The following CPLX4 variants were observed in gnomAD, a reference collection of about 807,000 sequenced individuals.
CPLX4 encodes complexin 4, also known as complexin-4.
Under a neutral mutation model 16.1 loss-of-function variants are expected in CPLX4, and 17 were observed. The ratio of observed to expected loss-of-function variants is 1.06; its 90% CI spans 0.72 to 1.59. The LOEUF (loss-of-function observed/expected upper bound fraction) is 1.59, where lower values mean the gene tolerates loss of function less well. CPLX4 is among the 40% of genes most tolerant of loss of function. The pLI is 0.00. For synonymous variants in CPLX4, 55 were observed against 57.8 expected, an observed-to-expected ratio of 0.95 and a Z score of 0.22; for missense variants, 193 against 192.9, an observed-to-expected ratio of 1.00 and a Z score of 0.00.
intron 2 of CPLX4, among the ~76,000 whole-genome samples, chr18:59,306,356 G>A (rs145267710): frequency 3.9e-5 from 6 of 152,220 alleles, no homozygotes; most frequent in African/African-American, 1.2e-4. Flanking sequence ...ATGTGTACAC[G>A]AACATTATAA....
intron 1 of CPLX4, among the ~76,000 whole-genome samples, chr18:59,313,615 G>T (rs4108696): frequency 0.22 from 33,951 of 152,164 alleles, 4,618 homozygotes; most frequent in South Asian, 0.35. Flanking sequence ...GGCTATATTG[G>T]GTTAGACCAA....
At chr18:59,307,917 A>G (rs919405084) in intron 2 of CPLX4, among the ~76,000 whole-genome samples, 3 of 147,298 alleles carry the variant, frequency 2.0e-5, no homozygotes, top group African/African-American at 7.7e-5. Flanking sequence ...ATGGCCGGCT[A>G]ATTTTTTTTG....
chr18:59,306,108 G>C (rs568542893), intron 2 of CPLX4, among the ~76,000 whole-genome samples: 2 of 152,294 alleles, frequency 1.3e-5, no homozygotes, highest in East Asian at 3.9e-4. Flanking sequence ...TTTAAGGGAA[G>C]ACACCTAAAA....
At chr18:59,310,264 A>T (rs1298543218) in intron 2 of CPLX4, among the ~76,000 whole-genome samples, 1 of 152,172 alleles carries the variant, frequency 6.6e-6, no homozygotes, top group Admixed American at 6.5e-5. Context: ...TAGCCTATGC[A>T]GGTATAGCCA....
rs532303134 is a variant in CPLX4 at position 59,318,270 on chromosome 18, A to G, written c.167+26T>C. 3.3e-6 allele frequency: 5 copies of G among 1,538,336 alleles called. No homozygotes were observed. In the African/African-American group the frequency reaches 5.5e-5, roughly 17 times the overall value. ...CAGAATGAATTTCCTTTGCTTTTTA[A>G]GGGAAATGAAATAGCATGTACTCAC... On this transcript the variant is annotated intron_variant, in intron 1 of 2. Coordinates refer to ENST00000299721, the MANE Select transcript of CPLX4 (RefSeq NM_181654.4).
At chr18:59,312,438 G>GTATATATATATATATATATCTCCTGAATA (rs140555708) in intron 2 of CPLX4, among the ~76,000 whole-genome samples, 1 of 143,552 alleles carries the variant, frequency 7.0e-6, no homozygotes, top group Admixed American at 7.1e-5. Flanking sequence ...ATGTGTGTGT[G>GTATATATATATATATATATCTCCTGAATA]TATATATATA....
At position 59,296,607 on chromosome 18, in the gene CPLX4, C is replaced by G; in HGVS notation, c.*91G>C. On this transcript the variant is annotated 3_prime_UTR_variant, in exon 3 of 3. Transcript: ENST00000299721. ...ATCGTGGTTTTCCTAACTGTGTTCA[C>G]TACATTAAAACATGTACTGCTTGAA... The G allele has an allele frequency of 1.4e-6, 2 of 1,403,602 alleles. No individual in the cohort carries two copies. The highest frequency in any genetic ancestry group is 2.0e-6 in the Non-Finnish European group (2 of 1,022,494). The allele number at this position is 1,403,602 out of a possible 1,614,324, so 86.9% of individuals were successfully genotyped here. A position where few individuals can be genotyped will look rare whatever the true frequency, so the allele number is the denominator to read the frequency against.
chr18:59,318,469 T>C lies in CPLX4; in HGVS notation c.-7A>G, dbSNP rs2070666112. 6.3e-7 allele frequency: 1 copy of C among 1,587,046 alleles called. No homozygotes were observed. Among genetic ancestry groups the C allele is most frequent in the African/African-American group, 1.4e-5 (1 of 73,048 alleles). The stretch of plus-strand genomic sequence containing the variant: ...TTTTCATAAGGAAAGCCATTTTCTC[T>C]GCCCCAGAAAAATAAAACCAAAATT... On this transcript the variant is annotated 5_prime_UTR_variant, in exon 1 of 3. Transcript: ENST00000299721.
At position 59,298,789 on chromosome 18, in the gene CPLX4, T is replaced by C. The variant is rs559182609; in HGVS notation, c.256-1864A>G. 1.6e-4 allele frequency among the ~76,000 whole-genome samples: 25 copies of C among 152,296 alleles called. No individual in the cohort carries two copies. The South Asian group carries it at 2.9e-3, about 18-fold the overall frequency. On this transcript the variant is annotated intron_variant, in intron 2 of 2. Coordinates refer to ENST00000299721, the MANE Select transcript of CPLX4 (RefSeq NM_181654.4). ...GGAAGGACGAGATGGCTGAAGTCTT[T>C]TCCAGTTCTAACACTCTGTGGCTCC...
intron 1 of CPLX4, among the ~76,000 whole-genome samples, chr18:59,314,044 G>A (rs2070636117): frequency 6.6e-6 from 1 of 152,102 alleles, no homozygotes; most frequent in Non-Finnish European, 1.5e-5. Context: ...GTTAAGGAAG[G>A]AGCTGCAGCA....
chr18:59,313,016 T>C (rs1287727387), intron 1 of CPLX4, among the ~76,000 whole-genome samples: 1 of 152,168 alleles, frequency 6.6e-6, no homozygotes, highest in Non-Finnish European at 1.5e-5. Context: ...AATCTCTGTG[T>C]GATGCGAACC....
At chr18:59,309,842 AG>A (rs376958626) in intron 2 of CPLX4, among the ~76,000 whole-genome samples, 1,520 of 74,398 alleles carry the variant, frequency 0.02, 49 homozygotes, top group African/African-American at 0.063. Flanking sequence ...AAAAAAAAAA[AG>A]AAAAAGAAAA....
intron 2 of CPLX4, among the ~76,000 whole-genome samples, chr18:59,301,236 G>A (rs1431395658): frequency 6.6e-6 from 1 of 152,260 alleles, no homozygotes; most frequent in African/African-American, 2.4e-5. Flanking sequence ...GTCTACAAGA[G>A]GGGTGTGGGC....
At chr18:59,298,551 C>T (rs188620618) in intron 2 of CPLX4, among the ~76,000 whole-genome samples, 1 of 150,646 alleles carries the variant, frequency 6.6e-6, no homozygotes, top group Non-Finnish European at 1.5e-5. Context: ...TAAAAAATGA[C>T]GATCTTAGTC....
chr18:59,312,445 TATATATATATCTCCTGA>T (rs1280527712), intron 2 of CPLX4, among the ~76,000 whole-genome samples: 3 of 148,370 alleles, frequency 2.0e-5, no homozygotes, highest in Non-Finnish European at 4.5e-5. Context: ...TGTGTATATA[TATATATATATCTCCTGA>T]ATATATATAT....
intron 2 of CPLX4, among the ~76,000 whole-genome samples, chr18:59,306,146 TC>T (rs1425321191): frequency 1.3e-5 from 2 of 152,184 alleles, no homozygotes; most frequent in African/African-American, 4.8e-5. Context: ...AAGTACTGTT[TC>T]CTTGTTTTAG....
At chr18:59,310,230 C>CA (rs1249481615) in intron 2 of CPLX4, among the ~76,000 whole-genome samples, 1 of 152,014 alleles carries the variant, frequency 6.6e-6, no homozygotes, top group Admixed American at 6.6e-5. Context: ...TCGGTCCCTC[C>CA]CCCTAGCTGG....
chr18:59,308,687 T>C (rs2144187341), intron 2 of CPLX4, among the ~76,000 whole-genome samples: 1 of 152,198 alleles, frequency 6.6e-6, no homozygotes, highest in East Asian at 1.9e-4. Flanking sequence ...GCGTCGAGGA[T>C]TCGGGGCCCG....
intron 2 of CPLX4, among the ~76,000 whole-genome samples, chr18:59,304,805 C>G (rs374924226): frequency 6.6e-6 from 1 of 152,136 alleles, no homozygotes; most frequent in South Asian, 2.1e-4. Flanking sequence ...CTCCTGACCT[C>G]GTGATCTGCC....
Sources: allele counts gnomAD v4.1 joint callset (sites outside exome capture counted in the v4.1 genomes callset), GRCh38; gene constraint gnomAD v4.1.1; transcripts MANE v1.5; gene names NCBI Gene and HGNC (gene_info 2026-07-23, HGNC 2026-07-21).